The following ACSL3 variants were observed in gnomAD, a reference collection of about 807,000 sequenced individuals.
The protein encoded by ACSL3 is fatty acid CoA ligase Acsl3.
Under a neutral mutation model 84.7 loss-of-function variants are expected in ACSL3, and 34 were observed. The observed-to-expected ratio is 0.40, with a 90% CI of 0.31 to 0.53. The LOEUF (loss-of-function observed/expected upper bound fraction) is 0.53, where lower values mean the gene tolerates loss of function less well. Ranked by LOEUF, ACSL3 falls within the 20% of genes least tolerant of loss-of-function variation. The pLI, the probability that ACSL3 is intolerant of heterozygous loss-of-function variation, is 0.48. For missense variants in ACSL3, 680 were observed against 873.1 expected, an observed-to-expected ratio of 0.78 and a Z score of 2.79; for synonymous variants, 315 against 299.4, an observed-to-expected ratio of 1.05 and a Z score of -0.54.
At position 222,934,428 on chromosome 2, in the gene ACSL3, A is replaced by T. The variant is rs544653006; in HGVS notation, c.1848-102A>T. On this transcript the variant is annotated intron_variant, in intron 15 of 16. Transcript: ENST00000357430. ...GTGCCAAGTATGGCACATGCATTTT[A>T]AAAAAAATGAGGAGTTATTTACTAC... 213 of 930,720 alleles carry T rather than the reference A, an allele frequency of 2.3e-4. 1 individual carries two copies. In the East Asian group the frequency reaches 3.1e-3, roughly 14 times the overall value. 57.7% of individuals were successfully genotyped at this position (930,720 alleles called of 1,614,324 possible). A position where few individuals can be genotyped will look rare whatever the true frequency, so the allele number is the denominator to read the frequency against.
rs888426950 is a variant in ACSL3 at position 222,929,801 on chromosome 2, A to C, written c.1541-820A>C. ...CTCCAAAATAAATAAATAAAGAAAG[A>C]TTCTAAGGCTTGGATGTCTTTTAGC... On this transcript the variant is annotated intron_variant, in intron 13 of 16. Coordinates refer to ENST00000357430, the MANE Select transcript of ACSL3 (RefSeq NM_004457.5). Among the ~76,000 whole-genome samples the C allele has an allele frequency of 5.3e-5, 8 of 150,836 alleles. No homozygotes were observed. The East Asian group carries it at 1.5e-3, about 29-fold the overall frequency.
At chr2:222,891,247 G>A (rs1256282598) in intron 2 of ACSL3, among the ~76,000 whole-genome samples, 3 of 152,152 alleles carry the variant, frequency 2.0e-5, no homozygotes, top group Admixed American at 2.0e-4. Flanking sequence ...ATCCTATTCA[G>A]TATTGTCTTA....
rs1294196261 is a variant in ACSL3 at position 222,920,746 on chromosome 2, C to T, written c.806-534C>T. Reference sequence around the variant, plus strand: ...ACGTAATCCAGAGTTCTTCCCGTGGCCTTTGAGGTCCTATGTGTGGTCCCT... The same window carrying T: ...ACGTAATCCAGAGTTCTTCCCGTGGTCTTTGAGGTCCTATGTGTGGTCCCT... On this transcript the variant is annotated intron_variant, in intron 7 of 16. Coordinates refer to ENST00000357430, the MANE Select transcript of ACSL3 (RefSeq NM_004457.5). Among the ~76,000 whole-genome samples, 4 of 152,254 alleles carry T rather than the reference C, an allele frequency of 2.6e-5. No individual in the cohort carries two copies. In the East Asian group the frequency reaches 7.7e-4, roughly 29 times the overall value.
chr2:222,903,011 C>G (rs780985405), intron 3 of ACSL3, among the ~76,000 whole-genome samples: 1 of 152,014 alleles, frequency 6.6e-6, no homozygotes, highest in Admixed American at 6.6e-5. Context: ...CAGCCTCTAT[C>G]AATATGGTAC....
At chr2:222,890,850 C>T (rs1235765816) in intron 2 of ACSL3, among the ~76,000 whole-genome samples, 1 of 152,170 alleles carries the variant, frequency 6.6e-6, no homozygotes, top group Non-Finnish European at 1.5e-5. Context: ...TCCATGTTGG[C>T]CAGGCTGACC....
intron 8 of ACSL3, among the ~76,000 whole-genome samples, chr2:222,922,020 A>G (rs906073605): frequency 1.3e-5 from 2 of 152,176 alleles, no homozygotes; most frequent in Non-Finnish European, 1.5e-5. Flanking sequence ...CACTCACGTA[A>G]TTGCTATGGT....
At chr2:222,871,016 T>A (rs1023968676) in intron 1 of ACSL3, among the ~76,000 whole-genome samples, 6 of 151,890 alleles carry the variant, frequency 4.0e-5, no homozygotes, top group South Asian at 4.2e-4. Flanking sequence ...AGAGGAATAG[T>A]TAAGGATACA....
At chr2:222,915,930 G>A (rs896860986) in intron 4 of ACSL3, among the ~76,000 whole-genome samples, 9 of 152,138 alleles carry the variant, frequency 5.9e-5, no homozygotes, top group Admixed American at 2.6e-4. Context: ...TTTGGCATCT[G>A]CGGTACTTGG....
At chr2:222,924,654 A>G in intron 11 of ACSL3, 59 bp downstream of exon 11, 5 of 1,423,900 alleles carry the variant, frequency 3.5e-6, no homozygotes, top group Non-Finnish European at 4.8e-6. Flanking sequence ...CATTTAGTTC[A>G]CATTAATAGC....
At position 222,877,137 on chromosome 2, in the gene ACSL3, G is replaced by T. The variant is rs566616381; in HGVS notation, c.-206-10693G>T. Among the ~76,000 whole-genome samples, 12 of 152,234 alleles carry T rather than the reference G, an allele frequency of 7.9e-5. 1 individual carries two copies. In the South Asian group the frequency reaches 2.5e-3, roughly 32 times the overall value. ...GTCAATTAACAGTAGAGATCAGGCA[G>T]GGGGAGGCCTGATAGATTGAGAAAG... is the stretch of plus-strand genomic sequence containing the variant. On this transcript the variant is annotated intron_variant, in intron 1 of 16. Transcript: ENST00000357430.
chr2:222,870,389 C>A (rs950179688), intron 1 of ACSL3, among the ~76,000 whole-genome samples: 1 of 152,094 alleles, frequency 6.6e-6, no homozygotes, highest in Non-Finnish European at 1.5e-5. Flanking sequence ...TGGAAACCAT[C>A]TCAGAGGCAG....
In ACSL3 at chr2:222,894,734, G is replaced by A. The variant is rs139733402; in HGVS notation, c.-147-5940G>A. Among the ~76,000 whole-genome samples the A allele has an allele frequency of 2.3e-3, 355 of 152,162 alleles. 4 individuals carry two copies. Among genetic ancestry groups the A allele is most frequent in the African/African-American group, 8.2e-3 (340 of 41,536 alleles). ...GTCAGGCATGAAGCCAGGCATGCCC[G>A]TGTATACATTCTTCTCAGTTGGCAA... On this transcript the variant is annotated intron_variant, in intron 2 of 16. Coordinates refer to ENST00000357430, the MANE Select transcript of ACSL3 (RefSeq NM_004457.5).
Position 222,921,304 on chromosome 2 carries a change from T to A in ACSL3, c.830T>A (p.Leu277Ter), listed in dbSNP as rs1434767743. 1.9e-6 allele frequency: 3 copies of A among 1,597,504 alleles called. No individual in the cohort carries two copies. The highest frequency in any genetic ancestry group is 2.6e-6 in the Non-Finnish European group (3 of 1,166,176). The change falls in exon 8 of 17, where the codon TTG (leucine) becomes TAG (stop). Residue 277 changes from leucine to a stop codon, truncating the protein, a stop_gained. Transcript: ENST00000357430. LOFTEE classifies it high-confidence loss of function. The stretch of plus-strand genomic sequence containing the variant: ...GAAAACCAACCTCATAGCAAACCAT[T>A]GCCCTCAGATATTGCAGTAATCATG... ...SMENQPHSKP[L>*]PSDIAVIMYT...
chr2:222,930,095 A>AT (rs1315089947), intron 13 of ACSL3, among the ~76,000 whole-genome samples: 1 of 151,448 alleles, frequency 6.6e-6, no homozygotes, highest in Non-Finnish European at 1.5e-5. Context: ...TGCCCGACTA[A>AT]TTTTTTGTAT....
At chr2:222,906,174 GCTATTA>G (rs1214706315) in intron 3 of ACSL3, among the ~76,000 whole-genome samples, 1 of 152,172 alleles carries the variant, frequency 6.6e-6, no homozygotes, top group Non-Finnish European at 1.5e-5. Flanking sequence ...ACTTGGCTGA[GCTATTA>G]CACTGAGGTT....
chr2:222,883,802 C>G (rs1294406946), intron 1 of ACSL3, among the ~76,000 whole-genome samples: 2 of 152,102 alleles, frequency 1.3e-5, no homozygotes, highest in Non-Finnish European at 2.9e-5. Flanking sequence ...CTATATTCTA[C>G]CCCTTGCTTT....
intron 16 of ACSL3, among the ~76,000 whole-genome samples, chr2:222,940,782 A>G (rs188916034): frequency 1.2e-4 from 19 of 152,344 alleles, no homozygotes; most frequent in Non-Finnish European, 2.2e-4. Context: ...AAGATATGCT[A>G]TGATGTTCCC....
intron 2 of ACSL3, among the ~76,000 whole-genome samples, chr2:222,898,522 A>T (rs1696049528): frequency 6.6e-6 from 1 of 152,158 alleles, no homozygotes; most frequent in African/African-American, 2.4e-5. Flanking sequence ...ATTTTAAATG[A>T]CCTCTAAGGT....
chr2:222,881,624 C>A (rs1695594132), intron 1 of ACSL3, among the ~76,000 whole-genome samples: 1 of 152,192 alleles, frequency 6.6e-6, no homozygotes, highest in Non-Finnish European at 1.5e-5. Context: ...TCAAGCGATT[C>A]TCCTGCCTCA....
Sources: gnomAD v4.1 joint callset for allele counts (sites outside exome capture counted in the v4.1 genomes callset) on GRCh38, gnomAD v4.1.1 for gene constraint, MANE v1.5 for transcripts, NCBI Gene and HGNC (gene_info 2026-07-23, HGNC 2026-07-21) for gene names.